Variants in UBE3C observed in about 807,000 individuals in gnomAD.
UBE3C encodes the protein ubiquitin protein ligase E3C.
UBE3C carries 42 observed loss-of-function variants against 129.4 expected under a neutral mutation model. The observed-to-expected ratio is 0.32, with a 90% CI of 0.25 to 0.42. The LOEUF is 0.42. Ranked by LOEUF, UBE3C falls within the 10% of genes least tolerant of loss-of-function variation. The pLI is 1.00. For missense variants in UBE3C, 1,049 were observed against 1,319.1 expected, an observed-to-expected ratio of 0.80 and a Z score of 3.17; for synonymous variants, 510 against 492.4, an observed-to-expected ratio of 1.04 and a Z score of -0.47.
intron 13 of UBE3C, among the ~76,000 whole-genome samples, chr7:157,210,154 G>A (rs1809550824): frequency 6.6e-6 from 1 of 152,138 alleles, no homozygotes. Context: ...TCCAGCCTGG[G>A]CGGTAGGGTG....
At chr7:157,254,429 C>T (rs780542243) in intron 21 of UBE3C, 119 bp downstream of exon 21, 9 of 507,350 alleles carry the variant, frequency 1.8e-5, no homozygotes, top group Non-Finnish European at 2.5e-5. Flanking sequence ...CTGAGTTTCA[C>T]TCTTGTCGCC....
chr7:157,182,152 C>T lies in UBE3C; in HGVS notation c.815C>T (p.Pro272Leu), dbSNP rs2116923281. Residue 272 changes from proline to leucine, a missense_variant, in exon 8 of 23, where the codon CCT becomes CTT. Physicochemically the swap from Pro to Leu is moderately conservative, Grantham distance 98. Around this residue, in one of 4 missense-constraint regions of UBE3C, gnomAD observed 489 missense variants for 513.8 expected, o/e 0.95. Coordinates refer to ENST00000348165, the MANE Select transcript of UBE3C (RefSeq NM_014671.3). ...TTCACAGAGGAGTTTCTGGCAGCAC[C>T]TTTTACAGATCAGATTTTTCATTTC... ...TAFTEEFLAAPFTDQIFHFII... is the reference protein window; with the variant it reads ...TAFTEEFLAALFTDQIFHFII... The T allele has an allele frequency of 6.2e-7, 1 of 1,610,234 alleles. No homozygotes were observed. Among genetic ancestry groups the T allele is most frequent in the South Asian group, 1.1e-5 (1 of 89,694 alleles).
chr7:157,249,071 TTAA>T (rs1796555159), intron 19 of UBE3C, among the ~76,000 whole-genome samples: 2 of 152,238 alleles, frequency 1.3e-5, no homozygotes. Context: ...ACTGATTTTC[TTAA>T]TAACAGCTTT....
intron 22 of UBE3C, among the ~76,000 whole-genome samples, chr7:157,262,436 T>TTTTTA (rs1796942835): frequency 7.2e-6 from 1 of 138,466 alleles, no homozygotes; most frequent in Admixed American, 7.2e-5. Context: ...TTTTTTTTTT[T>TTTTTA]GAGATAGAGT....
intron 4 of UBE3C, among the ~76,000 whole-genome samples, chr7:157,171,973 C>A (rs1353324265): frequency 6.7e-6 from 1 of 150,100 alleles, no homozygotes; most frequent in African/African-American, 2.5e-5. Context: ...ACCCATAGTG[C>A]TGGGATTACA....
intron 5 of UBE3C, among the ~76,000 whole-genome samples, chr7:157,177,606 A>G (rs1808554423): frequency 6.6e-6 from 1 of 152,090 alleles, no homozygotes; most frequent in Admixed American, 6.5e-5. Flanking sequence ...GCACTCGTAC[A>G]CCCCTCGAGA....
chr7:157,202,376 G>C (rs1809313425), intron 11 of UBE3C, among the ~76,000 whole-genome samples: 1 of 152,176 alleles, frequency 6.6e-6, no homozygotes, highest in Non-Finnish European at 1.5e-5. Flanking sequence ...GTCTAAGCCG[G>C]CCGGGCGCGG....
intron 19 of UBE3C, among the ~76,000 whole-genome samples, chr7:157,251,856 TG>T (rs11297417): frequency 0.12 from 17,701 of 152,048 alleles, 1,146 homozygotes; most frequent in African/African-American, 0.15. Context: ...TTAGAGGGGC[TG>T]GGCGCAGTGG....
At chr7:157,257,079 A>T in intron 22 of UBE3C, 35 bp downstream of exon 22, 1 of 1,610,112 alleles carries the variant, frequency 6.2e-7, no homozygotes, top group Non-Finnish European at 8.5e-7. Flanking sequence ...TTTAAAGACC[A>T]CTTCATAATA....
At chr7:157,169,646 G>T (rs572374369) in intron 3 of UBE3C, among the ~76,000 whole-genome samples, 1 of 152,128 alleles carries the variant, frequency 6.6e-6, no homozygotes, top group African/African-American at 2.4e-5. Context: ...AAAGTGCTGG[G>T]ATTACAAGCA....
chr7:157,257,198 T>G (rs1318061956), intron 22 of UBE3C, among the ~76,000 whole-genome samples, 154 bp downstream of exon 22: 1 of 152,240 alleles, frequency 6.6e-6, no homozygotes, highest in Non-Finnish European at 1.5e-5. Flanking sequence ...ATGTATATAT[T>G]TTGGTGCTAG....
chr7:157,247,821 G>A (rs1248387851), intron 18 of UBE3C, among the ~76,000 whole-genome samples: 1 of 152,192 alleles, frequency 6.6e-6, no homozygotes, highest in Admixed American at 6.5e-5. Context: ...GGGCAGAGTG[G>A]CATATGCGGT....
intron 2 of UBE3C, among the ~76,000 whole-genome samples, chr7:157,167,095 A>C (rs1808237934): frequency 1.3e-5 from 2 of 151,772 alleles, no homozygotes; most frequent in African/African-American, 4.8e-5. Flanking sequence ...ATGCCCAGCT[A>C]ATTTTTTGTA....
intron 15 of UBE3C, 119 bp from the exon 16 acceptor site, chr7:157,223,135 C>T (rs1563063091): frequency 1.9e-6 from 2 of 1,069,376 alleles, no homozygotes; most frequent in Admixed American, 2.0e-5. Flanking sequence ...GTTCATGGAA[C>T]TGGATTTAGA....
At chr7:157,196,512 A>G (rs552674506) in intron 10 of UBE3C, among the ~76,000 whole-genome samples, 1 of 152,372 alleles carries the variant, frequency 6.6e-6, no homozygotes, top group African/African-American at 2.4e-5. Context: ...TCTGGAGAAG[A>G]CGTTCTAGGT....
At chr7:157,227,241 G>A (rs1312046573) in intron 17 of UBE3C, among the ~76,000 whole-genome samples, 2 of 152,152 alleles carry the variant, frequency 1.3e-5, no homozygotes, top group East Asian at 3.9e-4. Context: ...CCAAGAGGCA[G>A]TTCTGGAGCA....
chr7:157,173,080 A>G (rs1808421471), intron 4 of UBE3C, among the ~76,000 whole-genome samples: 1 of 152,234 alleles, frequency 6.6e-6, no homozygotes, highest in Non-Finnish European at 1.5e-5. Context: ...GGAAAAGGAT[A>G]AAAGAAAAGT....
At chr7:157,194,421 C>T (rs1809058928) in intron 10 of UBE3C, among the ~76,000 whole-genome samples, 2 of 152,102 alleles carry the variant, frequency 1.3e-5, no homozygotes, top group Admixed American at 1.3e-4. Flanking sequence ...AATCTAGTAG[C>T]ATATTCAGGT....
intron 9 of UBE3C, 57 bp from the exon 10 acceptor site, chr7:157,186,777 T>C: frequency 5.0e-6 from 8 of 1,590,196 alleles, no homozygotes; most frequent in Non-Finnish European, 6.0e-6. Flanking sequence ...GTTTGTAGTG[T>C]AGAGGACGTT....
Sources: gnomAD v4.1 joint callset for allele counts (sites outside exome capture counted in the v4.1 genomes callset) on GRCh38, gnomAD v4.1.1 for gene constraint, gnomAD v4.1.1 regional missense constraint, MANE v1.5 for transcripts, NCBI Gene and HGNC (gene_info 2026-07-23, HGNC 2026-07-21) for gene names.